DCX: variants seen among roughly 807,000 people sequenced by gnomAD.
DCX encodes the protein doublecortin, also known as neuronal migration protein doublecortin.
In DCX, 4 loss-of-function variants were observed where a neutral mutation model predicts 20.9. That is an observed-to-expected ratio of 0.19 (90% CI 0.09 to 0.44). DCX has a LOEUF of 0.44. Ranked by LOEUF, DCX falls within the 20% of genes least tolerant of loss-of-function variation. DCX has a pLI of 0.99. For missense variants in DCX, 133 were observed against 296.9 expected (o/e 0.45, Z 4.06); for synonymous variants, 103 against 111.4 (o/e 0.92, Z 0.47).
intron 5 of DCX, among the ~76,000 whole-genome samples, chrX:111,318,336 C>T (rs2095078465): frequency 9.5e-6 from 1 of 105,177 alleles, no homozygotes; most frequent in Non-Finnish European, 1.9e-5. Flanking sequence ...AACTGAATTA[C>T]CTCAGTGTAC....
At chrX:111,368,912 A>C (rs1010887059) in intron 3 of DCX, among the ~76,000 whole-genome samples, 7 of 109,323 alleles carry the variant, frequency 6.4e-5, no homozygotes, top group Non-Finnish European at 9.5e-5. Flanking sequence ...ACACACACAC[A>C]CACACACACA....
In DCX at chrX:111,348,145, A is replaced by G. The variant is rs192329233; in HGVS notation, c.706-14992T>C. Among the ~76,000 whole-genome samples, 9 of 111,999 alleles carry G rather than the reference A, an allele frequency of 8.0e-5. No homozygotes were observed. The East Asian group carries it at 2.3e-3, about 28-fold the overall frequency. ...ACATTGCTGGCTAATGACAGAGCTGATACTAGAACTCAAGATTGTCTAATT... is the reference window on the plus strand; with the variant it reads ...ACATTGCTGGCTAATGACAGAGCTGGTACTAGAACTCAAGATTGTCTAATT... On this transcript the variant is annotated intron_variant, in intron 3 of 6. Coordinates refer to ENST00000636035, the MANE Select transcript of DCX (RefSeq NM_001195553.2).
chrX:111,348,353 G>T (rs1040202871), intron 3 of DCX, among the ~76,000 whole-genome samples: 2 of 112,139 alleles, frequency 1.8e-5, no homozygotes, highest in Admixed American at 9.4e-5. Flanking sequence ...CCTGGAGCTA[G>T]TGGTGATTTA....
chrX:111,311,432 A>T (rs2095057522), intron 6 of DCX, among the ~76,000 whole-genome samples: 1 of 112,447 alleles, frequency 8.9e-6, no homozygotes, highest in Non-Finnish European at 1.9e-5. Context: ...ATGCTATTAA[A>T]TGTTTAGCAA....
intron 3 of DCX, among the ~76,000 whole-genome samples, chrX:111,355,300 A>G (rs757620774): frequency 9.0e-6 from 1 of 111,352 alleles, no homozygotes; most frequent in African/African-American, 3.3e-5. Context: ...AGAGTCTAGC[A>G]CAAGACTGGG....
intron 6 of DCX, among the ~76,000 whole-genome samples, 168 bp downstream of exon 6, chrX:111,312,471 C>T (rs772364996): frequency 8.9e-6 from 1 of 112,247 alleles, no homozygotes; most frequent in East Asian, 2.8e-4. Flanking sequence ...ATAAAAGTGA[C>T]TAGAAGCTTG....
At chrX:111,313,081 T>C (rs1438555207) in intron 5 of DCX, among the ~76,000 whole-genome samples, 1 of 111,228 alleles carries the variant, frequency 9.0e-6, no homozygotes, top group Non-Finnish European at 1.9e-5. Flanking sequence ...GGTATTATTT[T>C]GCTTTAATTT....
chrX:111,316,099 A>T (rs1287247100), intron 5 of DCX, among the ~76,000 whole-genome samples: 24 of 102,203 alleles, frequency 2.3e-4, no homozygotes, highest in African/African-American at 4.0e-4. Context: ...AAAAAAAAAA[A>T]AAAAAAAAAA....
chrX:111,306,571 C>T (rs2095045780), intron 6 of DCX, among the ~76,000 whole-genome samples: 1 of 111,000 alleles, frequency 9.0e-6, no homozygotes, highest in African/African-American at 3.3e-5. Flanking sequence ...ATACTATAAA[C>T]AAATACACAT....
intron 5 of DCX, among the ~76,000 whole-genome samples, chrX:111,320,574 CTCTT>C (rs1240595260): frequency 1.3e-4 from 14 of 111,194 alleles, no homozygotes; most frequent in Non-Finnish European, 5.7e-5. Context: ...TAACTTGTCT[CTCTT>C]TCTCATTTCC....
At chrX:111,310,531 A>G (rs2095055496) in intron 6 of DCX, among the ~76,000 whole-genome samples, 1 of 111,174 alleles carries the variant, frequency 9.0e-6, no homozygotes, top group Non-Finnish European at 1.9e-5. Flanking sequence ...TATTTTTGCA[A>G]CTCTTCTGTA....
chrX:111,391,023 C>T (rs1288335739), intron 3 of DCX, among the ~76,000 whole-genome samples: 1 of 106,301 alleles, frequency 9.4e-6, no homozygotes, highest in Non-Finnish European at 1.9e-5. Flanking sequence ...AAAAAAAAAT[C>T]CTTCACTGGC....
At chrX:111,330,285 T>C (rs1921096173) in intron 5 of DCX, among the ~76,000 whole-genome samples, 1 of 112,535 alleles carries the variant, frequency 8.9e-6, no homozygotes, top group African/African-American at 3.2e-5. Context: ...CAGTGATCAA[T>C]AGACGACATG....
chrX:111,373,225 C>A (rs1178140978), intron 3 of DCX, among the ~76,000 whole-genome samples: 1 of 112,063 alleles, frequency 8.9e-6, no homozygotes, highest in Non-Finnish European at 1.9e-5. Flanking sequence ...GCAAGGCTGA[C>A]CTTTTATCAT....
intron 3 of DCX, among the ~76,000 whole-genome samples, chrX:111,386,672 A>G (rs1299275293): frequency 2.7e-5 from 3 of 111,243 alleles, no homozygotes; most frequent in African/African-American, 9.8e-5. Context: ...TACCACTAAT[A>G]TAGACATGGA....
intron 3 of DCX, among the ~76,000 whole-genome samples, chrX:111,347,713 G>C (rs1159167746): frequency 9.0e-6 from 1 of 110,995 alleles, no homozygotes; most frequent in South Asian, 3.9e-4. Context: ...CTGGTGAAGA[G>C]TGACTGGTCC....
intron 2 of DCX, among the ~76,000 whole-genome samples, chrX:111,409,785 T>G (rs1338465200): frequency 9.0e-6 from 1 of 111,687 alleles, no homozygotes; most frequent in Admixed American, 9.5e-5. Context: ...ACAATTAAGA[T>G]TTTCCTTTTT....
At chrX:111,338,387 C>G (rs1446125560) in intron 3 of DCX, among the ~76,000 whole-genome samples, 2 of 111,585 alleles carry the variant, frequency 1.8e-5, no homozygotes, top group African/African-American at 6.5e-5. Flanking sequence ...CCTTGCCTAT[C>G]AAGAATGGCA....
chrX:111,378,437 A>T (rs1198354333), intron 3 of DCX, among the ~76,000 whole-genome samples: 1 of 111,884 alleles, frequency 8.9e-6, no homozygotes, highest in African/African-American at 3.2e-5. Context: ...CAAGCTACCC[A>T]CATGAATTCT....
Sources: gnomAD v4.1 joint callset for allele counts (sites outside exome capture counted in the v4.1 genomes callset) on GRCh38, gnomAD v4.1.1 for gene constraint, MANE v1.5 for transcripts, NCBI Gene and HGNC (gene_info 2026-07-23, HGNC 2026-07-21) for gene names.